The following MTUS2 variants were observed in gnomAD, a reference collection of about 807,000 sequenced individuals.
The protein encoded by MTUS2 is microtubule associated scaffold protein 2, also known as microtubule-associated tumor suppressor candidate 2.
In MTUS2, 40 loss-of-function variants were observed where a neutral mutation model predicts 114.1. That is an observed-to-expected ratio of 0.35 (90% CI 0.27 to 0.46). The LOEUF (loss-of-function observed/expected upper bound fraction) is 0.46, where lower values mean the gene tolerates loss of function less well. Ranked by LOEUF, MTUS2 falls within the 20% of genes least tolerant of loss-of-function variation. The probability of loss-of-function intolerance (pLI) is 1.00; values close to 1 mark genes in which losing one functional copy is unlikely to be tolerated. For synonymous variants in MTUS2, 688 were observed against 672.0 expected, an observed-to-expected ratio of 1.02 and a Z score of -0.37; for missense variants, 1,679 against 1,705.4, an observed-to-expected ratio of 0.98 and a Z score of 0.27.
In MTUS2 at chr13:29,039,220, G is replaced by C. The variant is rs549570151; in HGVS notation, c.2446+5095G>C. 2.2e-3 allele frequency among the ~76,000 whole-genome samples: 336 copies of C among 152,270 alleles called. 1 individual carries two copies. The highest frequency in any genetic ancestry group is 7.8e-3 in the African/African-American group (323 of 41,552). ...GGGCTCGGGGCAGCACCCTGGCCCG[G>C]GGCTAGCCCAGGAGCCAGCTCAGGT... On this transcript the variant is annotated intron_variant, in intron 4 of 15. Transcript: ENST00000612955.
At chr13:29,018,183 T>A (rs187621392) in intron 2 of MTUS2, among the ~76,000 whole-genome samples, 49 of 152,314 alleles carry the variant, frequency 3.2e-4, no homozygotes, top group Non-Finnish European at 6.6e-4. Flanking sequence ...AGGGCAAATG[T>A]ACTTTAAGTA....
At chr13:29,403,418 CA>C (rs1344849462) in intron 8 of MTUS2, among the ~76,000 whole-genome samples, 1 of 152,180 alleles carries the variant, frequency 6.6e-6, no homozygotes, top group Admixed American at 6.5e-5. Context: ...TCTGTGATGG[CA>C]AATTTTGCAC....
chr13:29,100,703 T>C (rs1536720), intron 4 of MTUS2, 70 bp from the exon 5 acceptor site: 1,063,069 of 1,502,302 alleles, frequency 0.71, 382,015 homozygotes, highest in Non-Finnish European at 0.74. Flanking sequence ...TTCGAATTCA[T>C]AATCTGTAGA....
chr13:28,845,313 G>A (rs532751063), intron 2 of MTUS2, among the ~76,000 whole-genome samples: 12 of 152,272 alleles, frequency 7.9e-5, no homozygotes, highest in African/African-American at 2.4e-4. Context: ...ACTTCACAAG[G>A]GTGGGGATTT....
chr13:29,094,543 T>A (rs1890098460), intron 4 of MTUS2, among the ~76,000 whole-genome samples: 1 of 152,096 alleles, frequency 6.6e-6, no homozygotes, highest in African/African-American at 2.4e-5. Context: ...CCTCTTTCAT[T>A]CCTAATTTTA....
chr13:29,419,667 C>T (rs552228877), intron 8 of MTUS2, among the ~76,000 whole-genome samples: 1 of 152,310 alleles, frequency 6.6e-6, no homozygotes, highest in East Asian at 1.9e-4. Flanking sequence ...TGTTGTCATT[C>T]AGCCAGTGGC....
At position 29,026,326 on chromosome 13, in the gene MTUS2, A is replaced by G; in HGVS notation, c.1628A>G (p.Asn543Ser). ...PAPLHPETTV[N>S]MTYQPTTPSS... ...CCCCTCCACCCAGAGACAACTGTGAACATGACCTACCAGCCTACAACACCC... is the reference window on the plus strand; with the variant it reads ...CCCCTCCACCCAGAGACAACTGTGAGCATGACCTACCAGCCTACAACACCC... The change falls in exon 3 of 16, where the codon AAC (asparagine) becomes AGC (serine). Residue 543 changes from asparagine to serine, a missense_variant. Transcript: ENST00000612955. The G allele has an allele frequency of 3.7e-6, 6 of 1,614,020 alleles. No individual in the cohort carries two copies. The highest frequency in any genetic ancestry group is 4.2e-6 in the Non-Finnish European group (5 of 1,179,890).
chr13:29,031,856 C>T (rs1886845926), intron 3 of MTUS2, among the ~76,000 whole-genome samples: 1 of 152,034 alleles, frequency 6.6e-6, no homozygotes, highest in African/African-American at 2.4e-5. Flanking sequence ...TACCCTCTGT[C>T]TCCACGGCAC....
At chr13:28,860,602 G>A (rs950451975) in intron 2 of MTUS2, among the ~76,000 whole-genome samples, 1 of 152,168 alleles carries the variant, frequency 6.6e-6, no homozygotes, top group Non-Finnish European at 1.5e-5. Context: ...TCAGCCTAGT[G>A]GGGGACATGC....
chr13:29,161,024 G>A (rs1249396752), intron 5 of MTUS2, among the ~76,000 whole-genome samples: 3 of 152,220 alleles, frequency 2.0e-5, no homozygotes, highest in Non-Finnish European at 4.4e-5. Context: ...GGGATGGCTG[G>A]AGGAAGGTGA....
intron 2 of MTUS2, among the ~76,000 whole-genome samples, chr13:28,883,045 G>A (rs1219746138): frequency 3.3e-5 from 5 of 152,142 alleles, no homozygotes; most frequent in African/African-American, 1.2e-4. Context: ...AATAAGACAC[G>A]AAAAGATGTT....
At chr13:28,859,691 C>T (rs1876854367) in intron 2 of MTUS2, among the ~76,000 whole-genome samples, 1 of 152,014 alleles carries the variant, frequency 6.6e-6, no homozygotes, top group African/African-American at 2.4e-5. Context: ...TGGGGTAGAC[C>T]ATCCTGTGAC....
At chr13:29,318,395 T>TC (rs981374783) in intron 6 of MTUS2, among the ~76,000 whole-genome samples, 1 of 150,528 alleles carries the variant, frequency 6.6e-6, no homozygotes, top group Non-Finnish European at 1.5e-5. Flanking sequence ...CTTTTTCTTT[T>TC]TTTTTTTGAG....
chr13:28,927,968 A>G (rs927487532), intron 2 of MTUS2, among the ~76,000 whole-genome samples: 1 of 152,190 alleles, frequency 6.6e-6, no homozygotes, highest in South Asian at 2.1e-4. Context: ...TCACACCTTT[A>G]CAGCCAACTC....
intron 2 of MTUS2, among the ~76,000 whole-genome samples, chr13:28,925,497 C>A (rs761023415): frequency 1.3e-5 from 2 of 152,188 alleles, no homozygotes; most frequent in Non-Finnish European, 2.9e-5. Flanking sequence ...TAAACATTTA[C>A]TAAATTTCTA....
chr13:28,984,027 C>T (rs1199136018), intron 2 of MTUS2, among the ~76,000 whole-genome samples: 2 of 152,212 alleles, frequency 1.3e-5, no homozygotes, highest in Admixed American at 1.3e-4. Flanking sequence ...CTGTTTCCAG[C>T]TCTATGTTCA....
In MTUS2 at chr13:29,026,832, G is replaced by A. The variant is rs552392007; in HGVS notation, c.2134G>A (p.Gly712Arg). 39 of 1,609,574 alleles carry A rather than the reference G, an allele frequency of 2.4e-5. No individual in the cohort carries two copies. The Admixed American group carries it at 3.3e-4, about 14-fold the overall frequency. The change falls in exon 3 of 16, where the codon GGA becomes AGA. Residue 712 changes from glycine to arginine, a missense_variant. Coordinates refer to ENST00000612955, the MANE Select transcript of MTUS2 (RefSeq NM_001033602.4). ...GCAGAAGCCAAGGGTCTTCAGTTCC[G>A]GATTGATGGTGTCTGGAATCAAGCC... is the stretch of plus-strand genomic sequence containing the variant. Reference protein sequence around the residue: ...DLQKPRVFSSGLMVSGIKPPG... With the variant: ...DLQKPRVFSSRLMVSGIKPPG...
intron 5 of MTUS2, among the ~76,000 whole-genome samples, chr13:29,167,481 G>A (rs1252803526): frequency 1.3e-5 from 2 of 150,606 alleles, no homozygotes; most frequent in Non-Finnish European, 2.9e-5. Flanking sequence ...GTTTATGTAA[G>A]TTGAATTGTA....
intron 4 of MTUS2, among the ~76,000 whole-genome samples, chr13:29,040,021 T>C (rs1887273686): frequency 6.6e-6 from 1 of 152,198 alleles, no homozygotes. Context: ...TTTGGTTATA[T>C]GTATAAGTTC....
Sources: allele counts gnomAD v4.1 joint callset (sites outside exome capture counted in the v4.1 genomes callset), GRCh38; gene constraint gnomAD v4.1.1; transcripts MANE v1.5; gene names NCBI Gene and HGNC (gene_info 2026-07-23, HGNC 2026-07-21).